DPP6: variants seen among roughly 807,000 people sequenced by gnomAD.
The protein encoded by DPP6 is dipeptidyl peptidase like 6, also known as A-type potassium channel modulatory protein DPP6.
DPP6 carries 69 observed loss-of-function variants against 122.6 expected under a neutral mutation model. The observed-to-expected ratio is 0.56, with a 90% confidence interval of 0.46 to 0.69. The LOEUF is 0.69. DPP6 is among the 30% of genes least tolerant of loss of function. The pLI, the probability that DPP6 is intolerant of heterozygous loss-of-function variation, is 0.00. For synonymous variants in DPP6, 418 were observed against 433.1 expected, an observed-to-expected ratio of 0.97 and a Z score of 0.43; for missense variants, 928 against 1,116.9, an observed-to-expected ratio of 0.83 and a Z score of 2.41.
At chr7:154,516,782 T>G (rs1015025508) in intron 3 of DPP6, among the ~76,000 whole-genome samples, 30 of 152,216 alleles carry the variant, frequency 2.0e-4, no homozygotes, top group Non-Finnish European at 4.1e-4. Context: ...AAATCTGCTC[T>G]TCTTTCTGAA....
intron 1 of DPP6, among the ~76,000 whole-genome samples, chr7:153,914,627 C>A (rs1378257497): frequency 6.6e-6 from 1 of 152,176 alleles, no homozygotes; most frequent in Non-Finnish European, 1.5e-5. Context: ...TTATAACATT[C>A]ACTGCATTTG....
At chr7:154,853,741 G>A (rs777095366) in intron 16 of DPP6, 39 bp from the exon 17 acceptor site, 33 of 1,605,272 alleles carry the variant, frequency 2.1e-5, no homozygotes, top group South Asian at 4.5e-5. Context: ...TAATGGCTTC[G>A]TTTTTGTTTT....
intron 1 of DPP6, among the ~76,000 whole-genome samples, chr7:154,349,011 A>G (rs1307709328): frequency 2.0e-5 from 3 of 152,258 alleles, no homozygotes; most frequent in Admixed American, 2.0e-4. Context: ...ATAAAAAACT[A>G]TATCTCATTA....
At chr7:154,325,393 A>C (rs1397777450) in intron 1 of DPP6, among the ~76,000 whole-genome samples, 1 of 152,206 alleles carries the variant, frequency 6.6e-6, no homozygotes, top group African/African-American at 2.4e-5. Context: ...TGCTTTCCAG[A>C]GTATTCATGG....
chr7:154,060,289 T>TTATC (rs1563149253), intron 1 of DPP6, among the ~76,000 whole-genome samples: 3 of 32,386 alleles, frequency 9.3e-5, no homozygotes, highest in Admixed American at 5.8e-4. Flanking sequence ...TGAGAGGCAA[T>TTATC]CCCTCTTCCC....
At chr7:154,187,986 C>T (rs767158554) in intron 1 of DPP6, among the ~76,000 whole-genome samples, 19 of 152,032 alleles carry the variant, frequency 1.2e-4, no homozygotes, top group Non-Finnish European at 2.1e-4. Context: ...ACAGTAGAAC[C>T]GTCTGAAGGT....
At chr7:154,738,438 C>T (rs1231837327) in intron 8 of DPP6, among the ~76,000 whole-genome samples, 4 of 152,196 alleles carry the variant, frequency 2.6e-5, no homozygotes, top group Admixed American at 2.6e-4. Context: ...TATCTGATTA[C>T]ATCTGTACCC....
At chr7:154,355,699 C>A (rs1314712027) in intron 1 of DPP6, among the ~76,000 whole-genome samples, 1 of 152,180 alleles carries the variant, frequency 6.6e-6, no homozygotes, top group Non-Finnish European at 1.5e-5. Flanking sequence ...GACTTTCTAT[C>A]TGTTCCCCTG....
intron 1 of DPP6, among the ~76,000 whole-genome samples, chr7:154,423,610 G>A (rs545220168): frequency 6.6e-6 from 1 of 152,320 alleles, no homozygotes; most frequent in Admixed American, 6.5e-5. Context: ...GTCAAAGAGA[G>A]AGTCCTTGCC....
At chr7:154,779,255 GCCACCACCCCTATCACCACCTCCA>G (rs77597139) in intron 10 of DPP6, among the ~76,000 whole-genome samples, 29,645 of 109,596 alleles carry the variant, frequency 0.27, 3,847 homozygotes, top group East Asian at 0.53. Flanking sequence ...AACCTCTGCT[GCCACCACCCCTATCACCACCTCCA>G]CCACCACCCC....
chr7:153,771,746 A>G, the DPP6 span, among the ~76,000 whole-genome samples: 1 of 152,206 alleles, frequency 6.6e-6, no homozygotes, highest in Non-Finnish European at 1.5e-5. Flanking sequence ...AGACTTTGTT[A>G]GACAAAAAGT....
chr7:154,704,759 C>T lies in DPP6; in HGVS notation c.763-23008C>T, dbSNP rs1050586071. Among the ~76,000 whole-genome samples the T allele has an allele frequency of 3.9e-5, 6 of 152,208 alleles. 1 individual carries two copies. Among genetic ancestry groups the T allele is most frequent in the Admixed American group, 3.3e-4 (5 of 15,278 alleles). ...ATACTTTTGCACAGTTACTAATCTA[C>T]AGCAGAGTATAAACATAACTTTTAT... On this transcript the variant is annotated intron_variant, in intron 7 of 25. Transcript: ENST00000377770.
chr7:154,739,623 A>G (rs1227629969), intron 8 of DPP6, among the ~76,000 whole-genome samples: 1 of 152,218 alleles, frequency 6.6e-6, no homozygotes, highest in Non-Finnish European at 1.5e-5. Context: ...TGCAAACTCT[A>G]TCATTTCACA....
chr7:154,213,848 G>C (rs972687397), intron 1 of DPP6, among the ~76,000 whole-genome samples: 4 of 152,182 alleles, frequency 2.6e-5, no homozygotes, highest in African/African-American at 9.7e-5. Context: ...ACACAGGCCA[G>C]GGAGGAGACC....
At chr7:154,141,368 C>T (rs1030702398) in intron 1 of DPP6, among the ~76,000 whole-genome samples, 1 of 152,194 alleles carries the variant, frequency 6.6e-6, no homozygotes, top group African/African-American at 2.4e-5. Flanking sequence ...CCCATCACTG[C>T]ACAGGTGGAG....
chr7:154,428,414 G>C (rs1818084003), intron 1 of DPP6, among the ~76,000 whole-genome samples: 1 of 152,144 alleles, frequency 6.6e-6, no homozygotes, highest in African/African-American at 2.4e-5. Flanking sequence ...GAACATTTAA[G>C]AGTAAATGTG....
intron 2 of DPP6, among the ~76,000 whole-genome samples, chr7:154,461,389 G>A (rs1246380486): frequency 6.6e-6 from 1 of 152,090 alleles, no homozygotes; most frequent in Non-Finnish European, 1.5e-5. Flanking sequence ...ACCTAGCACT[G>A]GGATTACTGG....
intron 1 of DPP6, among the ~76,000 whole-genome samples, chr7:154,270,279 C>A (rs1585792630): frequency 6.6e-6 from 1 of 152,024 alleles, no homozygotes; most frequent in Non-Finnish European, 1.5e-5. Context: ...TCTGGTTATG[C>A]CAGGTTGCTA....
Position 153,923,276 on chromosome 7 carries a change from G to C in DPP6, c.51+35542G>C, listed in dbSNP as rs535557411. Among the ~76,000 whole-genome samples, 6 of 152,312 alleles carry C rather than the reference G, an allele frequency of 3.9e-5. No homozygotes were observed. In the East Asian group the frequency reaches 1.2e-3, roughly 29 times the overall value. On this transcript the variant is annotated intron_variant, in intron 1 of 25. Transcript: ENST00000404039. ...TGTTTCCTAAGGCAAAGGGCAAGGT[G>C]AACATAACATCCATGGCATTAAGAT...
Sources: allele counts gnomAD v4.1 joint callset (sites outside exome capture counted in the v4.1 genomes callset), GRCh38; gene constraint gnomAD v4.1.1; transcripts MANE v1.5; gene names NCBI Gene and HGNC (gene_info 2026-07-23, HGNC 2026-07-21).